FGD2: variants seen among roughly 807,000 people sequenced by gnomAD.
FGD2 encodes the protein FYVE, RhoGEF and PH domain-containing protein 2.
In FGD2, 52 loss-of-function variants were observed where a neutral mutation model predicts 75.9. That is an observed-to-expected ratio of 0.69 (90% CI 0.55 to 0.86). FGD2 has a LOEUF of 0.86. Ranked by LOEUF, FGD2 falls within the 40% of genes least tolerant of loss-of-function variation. The probability of loss-of-function intolerance (pLI) is 0.00; values close to 1 mark genes in which losing one functional copy is unlikely to be tolerated. For synonymous variants in FGD2, 347 were observed against 348.6 expected (o/e 1.00, Z 0.05); for missense variants, 790 against 872.0 (o/e 0.91, Z 1.18).
chr6:37,008,515 C>T (rs765624277), intron 1 of FGD2, among the ~76,000 whole-genome samples: 10 of 152,096 alleles, frequency 6.6e-5, no homozygotes, highest in Non-Finnish European at 1.2e-4. Flanking sequence ...TGAGGATAAT[C>T]CAGGGGGTAC....
At position 37,022,364 on chromosome 6, in the gene FGD2, C is replaced by T. The variant is rs755349931; in HGVS notation, c.1452C>T (p.Cys484=). 23 of 1,578,730 alleles carry T rather than the reference C, an allele frequency of 1.5e-5. No individual in the cohort carries two copies. Among genetic ancestry groups the T allele is most frequent in the East Asian group, 2.4e-5 (1 of 41,950 alleles). Reference sequence around the variant, plus strand: ...GCCGTCGCCACCACTGCCGGGCCTGCGGCTATGTGAGTACTCCTGCCAGCA... The same window carrying T: ...GCCGTCGCCACCACTGCCGGGCCTGTGGCTATGTGAGTACTCCTGCCAGCA... ...LTRRRHHCRA[C]GYVVCARCSD... Residue 484 remains cysteine, a synonymous_variant, in exon 13 of 16, where the codon TGC becomes TGT. Transcript: ENST00000274963.
intron 9 of FGD2, among the ~76,000 whole-genome samples, chr6:37,017,061 T>C (rs901291024): frequency 5.3e-5 from 8 of 152,096 alleles, no homozygotes; most frequent in Non-Finnish European, 1.2e-4. Context: ...TCCTCATTTA[T>C]GCAAGAAGCA....
At chr6:37,021,081 T>C (rs892208539) in intron 11 of FGD2, among the ~76,000 whole-genome samples, 22 of 149,532 alleles carry the variant, frequency 1.5e-4, no homozygotes, top group African/African-American at 5.6e-4. Context: ...TGTGTGTATG[T>C]GTGTGTTTGT....
intron 11 of FGD2, among the ~76,000 whole-genome samples, 170 bp downstream of exon 11, chr6:37,020,909 T>TGTGTGC (rs753090081): frequency 6.7e-6 from 1 of 149,072 alleles, no homozygotes; most frequent in African/African-American, 2.5e-5. Flanking sequence ...TGTGTGTGTG[T>TGTGTGC]GTGCATGTGT....
intron 9 of FGD2, among the ~76,000 whole-genome samples, chr6:37,017,824 G>T (rs1378955271): frequency 6.6e-6 from 1 of 152,222 alleles, no homozygotes; most frequent in Non-Finnish European, 1.5e-5. Context: ...CCTGACTGGG[G>T]TTGCCTGGCA....
intron 4 of FGD2, 157 bp downstream of exon 4, chr6:37,012,011 T>C: frequency 1.3e-6 from 1 of 746,064 alleles, no homozygotes; most frequent in Non-Finnish European, 2.1e-6. Flanking sequence ...GTGAAGGGCT[T>C]GGGTGAATGA....
intron 12 of FGD2, chr6:37,021,892 C>G: frequency 2.1e-6 from 1 of 476,974 alleles, no homozygotes; most frequent in East Asian, 3.5e-5. Context: ...TTGAAAGTAT[C>G]TGAGAAATAC....
rs1291890143 is a variant in FGD2 at position 37,009,206 on chromosome 6, G to A, written c.300+141G>A. On this transcript the variant is annotated intron_variant, in intron 2 of 15. Coordinates refer to ENST00000274963, the MANE Select transcript of FGD2 (RefSeq NM_173558.4). ...GTGATCAGAGGTCAGCTGGGAGCTA[G>A]ATTTCCCCATGCTTAATGGCCTTTG... The A allele has an allele frequency of 4.0e-6, 3 of 745,252 alleles. No individual in the cohort carries two copies. In the African/African-American group the frequency reaches 5.3e-5, roughly 13 times the overall value. 46.2% of individuals were successfully genotyped at this position (745,252 alleles called of 1,614,324 possible).
chr6:37,022,018 C>T, intron 12 of FGD2: 2 of 587,056 alleles, frequency 3.4e-6, no homozygotes, highest in Non-Finnish European at 5.6e-6. Context: ...GTCATTTGAC[C>T]TCTCTGGGCC....
At chr6:37,017,658 T>G (rs1765364381) in intron 9 of FGD2, among the ~76,000 whole-genome samples, 1 of 151,958 alleles carries the variant, frequency 6.6e-6, no homozygotes, top group African/African-American at 2.4e-5. Context: ...GAAGCAGAGG[T>G]CTGGTCTGGC....
chr6:37,028,031 A>G lies in FGD2; in HGVS notation c.1836A>G (p.Leu612=). The G allele has an allele frequency of 1.2e-6, 2 of 1,613,608 alleles. No homozygotes were observed. The highest frequency in any genetic ancestry group is 8.5e-7 in the Non-Finnish European group (1 of 1,179,832). ...GPQGDPRVFQ[L]QQSGQLYTFK... ...AGGGGGACCCTCGGGTCTTCCAGCT[A>G]CAGCAGTCAGGCCAGCTCTACACCT... is the stretch of plus-strand genomic sequence containing the variant. Residue 612 remains leucine (L), a synonymous_variant, in exon 16 of 16, where the codon CTA becomes CTG. Transcript: ENST00000274963.
At position 37,014,111 on chromosome 6, in the gene FGD2, C is replaced by T. The variant is rs372249511; in HGVS notation, c.823+11C>T. ...AGGCCGATGCCCAGAGTGAGGACAC[C>T]CCCAGGGGTCCCAGGGGGCTGAGGA... On this transcript the variant is annotated intron_variant, in intron 6 of 15. Coordinates refer to ENST00000274963, the MANE Select transcript of FGD2 (RefSeq NM_173558.4). The T allele has an allele frequency of 1.7e-5, 27 of 1,612,154 alleles. No homozygotes were observed. The highest frequency in any genetic ancestry group is 3.3e-5 in the Admixed American group (2 of 59,728).
chr6:37,015,991 T>C (rs1765268739), intron 9 of FGD2, 131 bp downstream of exon 9: 1 of 793,390 alleles, frequency 1.3e-6, no homozygotes, highest in East Asian at 2.8e-5. Flanking sequence ...AACATGGAGA[T>C]GGAAGAGTGT....
Position 37,013,414 on chromosome 6 carries a change from C to T in FGD2, c.528-195C>T, listed in dbSNP as rs1003970736. On this transcript the variant is annotated intron_variant, in intron 4 of 15. Transcript: ENST00000274963. Reference sequence around the variant, plus strand: ...GAGGCCAACCTGGGACCAGAACAGCCTTTGGCCTCAGGAGGCTCACAGTCT... The same window carrying T: ...GAGGCCAACCTGGGACCAGAACAGCTTTTGGCCTCAGGAGGCTCACAGTCT... The T allele has an allele frequency of 1.0e-5, 14 of 1,394,632 alleles. No homozygotes were observed. In the Middle Eastern group the frequency reaches 1.1e-3, roughly 106 times the overall value. 86.4% of individuals were successfully genotyped at this position (1,394,632 alleles called of 1,614,324 possible). A position where few individuals can be genotyped will look rare whatever the true frequency, so the allele number is the denominator to read the frequency against.
At chr6:37,014,262 G>A in intron 6 of FGD2, 162 bp downstream of exon 6, 1 of 878,490 alleles carries the variant, frequency 1.1e-6, no homozygotes, top group Non-Finnish European at 1.7e-6. Flanking sequence ...TTTCACAGAT[G>A]AGGACACTAA....
chr6:37,027,372 C>T, intron 14 of FGD2, 57 bp from the exon 15 acceptor site: 2 of 1,555,540 alleles, frequency 1.3e-6, no homozygotes, highest in African/African-American at 1.4e-5. Flanking sequence ...GCCCCCAGAC[C>T]AACATCTGGC....
At position 37,026,278 on chromosome 6, in the gene FGD2, G is replaced by A. The variant is rs529753556; in HGVS notation, c.1605+340G>A. On this transcript the variant is annotated intron_variant, in intron 14 of 15. Coordinates refer to ENST00000274963, the MANE Select transcript of FGD2 (RefSeq NM_173558.4). Reference sequence around the variant, plus strand: ...CCCCGACAGTCCCAGGGTGCCAAGAGCTGGTGTCACCGCTTCCATTTTACA... The same window carrying A: ...CCCCGACAGTCCCAGGGTGCCAAGAACTGGTGTCACCGCTTCCATTTTACA... 8.1e-6 allele frequency: 8 copies of A among 985,456 alleles called. No homozygotes were observed. The South Asian group carries it at 2.8e-4, about 35-fold the overall frequency. 61.0% of individuals were successfully genotyped at this position (985,456 alleles called of 1,614,324 possible).
intron 3 of FGD2, chr6:37,011,265 G>A: frequency 1.7e-6 from 1 of 604,142 alleles, no homozygotes; most frequent in East Asian, 2.8e-5. Context: ...TGCCCAGGCT[G>A]GCCCCTGTAT....
chr6:37,011,330 A>C, intron 3 of FGD2: 1 of 565,330 alleles, frequency 1.8e-6, no homozygotes, highest in East Asian at 3.0e-5. Context: ...TTCATCTGTC[A>C]TCTCAATGCC....
Sources: gnomAD v4.1 joint callset for allele counts (sites outside exome capture counted in the v4.1 genomes callset) on GRCh38, gnomAD v4.1.1 for gene constraint, MANE v1.5 for transcripts, NCBI Gene and HGNC (gene_info 2026-07-23, HGNC 2026-07-21) for gene names.